The following NKAIN2 variants were observed in gnomAD, a reference collection of about 807,000 sequenced individuals.
NKAIN2 encodes sodium/potassium-transporting ATPase subunit beta-1-interacting protein 2.
NKAIN2 carries 14 observed loss-of-function variants against 32.6 expected under a neutral mutation model. The ratio of observed to expected loss-of-function variants is 0.43; its 90% CI spans 0.28 to 0.67. The LOEUF (loss-of-function observed/expected upper bound fraction) is 0.67, where lower values mean the gene tolerates loss of function less well. NKAIN2 is among the 30% of genes least tolerant of loss of function. NKAIN2 has a pLI of 0.17. For synonymous variants in NKAIN2, 80 were observed against 87.2 expected (o/e 0.92, Z 0.46); for missense variants, 198 against 258.3 (o/e 0.77, Z 1.60).
intron 1 of NKAIN2, among the ~76,000 whole-genome samples, chr6:124,186,182 AAAGG>A (rs796824897): frequency 3.9e-4 from 58 of 148,030 alleles, no homozygotes; most frequent in African/African-American, 9.8e-4. Context: ...GGAAAGAAAG[AAAGG>A]AAGGAAGGAA....
At chr6:123,986,950 A>C (rs764110995) in intron 1 of NKAIN2, among the ~76,000 whole-genome samples, 1 of 152,170 alleles carries the variant, frequency 6.6e-6, no homozygotes, top group Non-Finnish European at 1.5e-5. Context: ...GTGTGGGTAC[A>C]CTTTAGCGAT....
intron 2 of NKAIN2, among the ~76,000 whole-genome samples, chr6:124,289,174 T>C (rs802500): frequency 0.48 from 72,823 of 152,068 alleles, 21,668 homozygotes; most frequent in African/African-American, 0.85. Context: ...TCTTTTAGTC[T>C]GCATTTTAAA....
At chr6:124,456,083 A>G (rs528246366) in intron 3 of NKAIN2, among the ~76,000 whole-genome samples, 10 of 151,942 alleles carry the variant, frequency 6.6e-5, no homozygotes, top group African/African-American at 2.4e-4. Context: ...TTGCACACAC[A>G]TCACACCCAG....
At chr6:124,248,419 C>G (rs945893503) in intron 1 of NKAIN2, among the ~76,000 whole-genome samples, 2 of 151,936 alleles carry the variant, frequency 1.3e-5, no homozygotes, top group African/African-American at 2.4e-5. Flanking sequence ...CCCCACCGAA[C>G]CTTTTCCCAA....
intron 2 of NKAIN2, among the ~76,000 whole-genome samples, chr6:124,326,942 T>C (rs762349498): frequency 5.9e-5 from 9 of 152,182 alleles, no homozygotes; most frequent in South Asian, 4.1e-4. Flanking sequence ...GATTTTCCTA[T>C]GTTTTTGACC....
chr6:124,411,414 A>G (rs1774175685), intron 3 of NKAIN2, among the ~76,000 whole-genome samples: 1 of 152,060 alleles, frequency 6.6e-6, no homozygotes, highest in Non-Finnish European at 1.5e-5. Context: ...TTGTCTGTAA[A>G]GTATTTTATT....
chr6:123,914,720 T>A (rs1041652099), intron 1 of NKAIN2, among the ~76,000 whole-genome samples: 1 of 152,096 alleles, frequency 6.6e-6, no homozygotes, highest in African/African-American at 2.4e-5. Context: ...TTAACTGCAT[T>A]AGCCAGAGAT....
intron 2 of NKAIN2, among the ~76,000 whole-genome samples, chr6:124,311,721 C>T (rs535097659): frequency 3.3e-5 from 5 of 152,062 alleles, no homozygotes; most frequent in East Asian, 1.9e-4. Context: ...TAATTGGTAT[C>T]GTTAGTGATT....
intron 3 of NKAIN2, among the ~76,000 whole-genome samples, chr6:124,632,260 CAT>C (rs1265467268): frequency 1.3e-5 from 2 of 152,026 alleles, no homozygotes; most frequent in Non-Finnish European, 1.5e-5. Flanking sequence ...ACAGGAAAAA[CAT>C]ATTGATAGAT....
chr6:123,941,744 A>T (rs1037711104), intron 1 of NKAIN2, among the ~76,000 whole-genome samples: 17 of 152,154 alleles, frequency 1.1e-4, no homozygotes, highest in African/African-American at 4.1e-4. Flanking sequence ...TTCGGGGTTC[A>T]GAAAGAAGCC....
At chr6:124,532,275 C>A (rs1404606122) in intron 3 of NKAIN2, among the ~76,000 whole-genome samples, 6 of 152,104 alleles carry the variant, frequency 3.9e-5, no homozygotes, top group African/African-American at 1.2e-4. Flanking sequence ...GGGAGGAAGG[C>A]ATAGGGAGTG....
intron 1 of NKAIN2, among the ~76,000 whole-genome samples, chr6:124,203,191 G>T (rs1790676419): frequency 6.6e-6 from 1 of 151,970 alleles, no homozygotes; most frequent in East Asian, 1.9e-4. Context: ...AAAATAGTTT[G>T]TTGAGGGGGA....
At chr6:123,947,864 A>G (rs1777143187) in intron 1 of NKAIN2, among the ~76,000 whole-genome samples, 1 of 152,090 alleles carries the variant, frequency 6.6e-6, no homozygotes, top group Admixed American at 6.6e-5. Context: ...CCTTCTGTCT[A>G]ACTGTGTATG....
At chr6:124,677,658 CTG>C (rs1773426016) in intron 4 of NKAIN2, among the ~76,000 whole-genome samples, 1 of 151,982 alleles carries the variant, frequency 6.6e-6, no homozygotes, top group Non-Finnish European at 1.5e-5. Context: ...TCTTTTTATA[CTG>C]TGTATCTATT....
chr6:124,789,551 T>A (rs1219465891), intron 4 of NKAIN2, among the ~76,000 whole-genome samples: 1 of 151,894 alleles, frequency 6.6e-6, no homozygotes, highest in East Asian at 1.9e-4. Flanking sequence ...TGGGTCCTGG[T>A]GGATAAAAGA....
intron 1 of NKAIN2, among the ~76,000 whole-genome samples, chr6:123,844,042 G>A (rs1284372972): frequency 6.6e-6 from 1 of 152,150 alleles, no homozygotes; most frequent in Non-Finnish European, 1.5e-5. Flanking sequence ...AGGTAGGTAA[G>A]AGAACTTATG....
intron 3 of NKAIN2, among the ~76,000 whole-genome samples, chr6:124,445,935 G>A (rs1278537975): frequency 6.6e-6 from 1 of 152,054 alleles, no homozygotes; most frequent in Non-Finnish European, 1.5e-5. Context: ...TATTTGTTTT[G>A]TAAAGTTCAT....
At position 124,805,977 on chromosome 6, in the gene NKAIN2, T is replaced by C. The variant is rs549555371; in HGVS notation, c.536-12410T>C. Among the ~76,000 whole-genome samples the C allele has an allele frequency of 3.9e-5, 6 of 152,128 alleles. No homozygotes were observed. In the South Asian group the frequency reaches 1.2e-3, roughly 32 times the overall value. On this transcript the variant is annotated intron_variant, in intron 5 of 6. Transcript: ENST00000368417. ...AGAAACGAACAAAGCCTCCAAGAAA[T>C]ATGGGACTATGTGAAAAGACTAAAT...
intron 1 of NKAIN2, among the ~76,000 whole-genome samples, chr6:124,246,174 A>G (rs79722796): frequency 1.7e-3 from 257 of 152,104 alleles, no homozygotes; most frequent in Non-Finnish European, 3.1e-3. Context: ...TAGTGTTTCA[A>G]TGGTTTCGGG....
Sources: allele counts gnomAD v4.1 joint callset (sites outside exome capture counted in the v4.1 genomes callset), GRCh38; gene constraint gnomAD v4.1.1; transcripts MANE v1.5; gene names NCBI Gene and HGNC (gene_info 2026-07-23, HGNC 2026-07-21).